DOCK3: variants seen among roughly 807,000 people sequenced by gnomAD.
DOCK3 encodes dedicator of cytokinesis protein 3.
In DOCK3, 60 loss-of-function variants were observed where a neutral mutation model predicts 265.6. That is an observed-to-expected ratio of 0.23 (90% CI 0.18 to 0.28). The LOEUF (loss-of-function observed/expected upper bound fraction) is 0.28. Ranked by LOEUF, DOCK3 falls within the 10% of genes least tolerant of loss-of-function variation. The pLI, the probability that DOCK3 is intolerant of heterozygous loss-of-function variation, is 1.00. For synonymous variants in DOCK3, 881 were observed against 938.0 expected, an observed-to-expected ratio of 0.94 and a Z score of 1.11; for missense variants, 1,981 against 2,594.3, an observed-to-expected ratio of 0.76 and a Z score of 5.14.
chr3:50,743,520 C>CA (rs951967855), intron 1 of DOCK3, among the ~76,000 whole-genome samples: 1 of 148,162 alleles, frequency 6.7e-6, no homozygotes, highest in East Asian at 2.0e-4. Flanking sequence ...AAATGGAAAA[C>CA]AAAAAAAGGC....
chr3:50,834,629 C>T (rs1387007457), intron 2 of DOCK3, among the ~76,000 whole-genome samples: 2 of 152,032 alleles, frequency 1.3e-5, no homozygotes, highest in Non-Finnish European at 2.9e-5. Flanking sequence ...GAAAGTCATA[C>T]TTTATAATTT....
Position 51,315,894 on chromosome 3 carries a change from A to G in DOCK3, c.3402+766A>G, listed in dbSNP as rs371273244. On this transcript the variant is annotated intron_variant, in intron 32 of 52. Coordinates refer to ENST00000266037, the MANE Select transcript of DOCK3 (RefSeq NM_004947.5). ...TTGGGAATTGTACCAGTTCCCCACT[A>G]AGCTCCTTCCGAGCCTGTGATTCTG... Among the ~76,000 whole-genome samples, 86 of 152,222 alleles carry G rather than the reference A, an allele frequency of 5.6e-4. 2 individuals carry two copies. The South Asian group carries it at 0.017, about 30-fold the overall frequency.
chr3:50,997,022 T>A (rs2078311086), intron 5 of DOCK3, among the ~76,000 whole-genome samples: 1 of 152,172 alleles, frequency 6.6e-6, no homozygotes, highest in Admixed American at 6.5e-5. Flanking sequence ...TAGAAATAGG[T>A]CCCTGGTATT....
intron 1 of DOCK3, among the ~76,000 whole-genome samples, chr3:50,759,296 C>T (rs1318918194): frequency 2.0e-5 from 3 of 151,528 alleles, no homozygotes; most frequent in Admixed American, 6.6e-5. Flanking sequence ...TACTGTTTTC[C>T]ACAGCGGCTG....
chr3:51,204,966 T>C (rs1315782185), intron 12 of DOCK3, among the ~76,000 whole-genome samples: 1 of 135,376 alleles, frequency 7.4e-6, no homozygotes, highest in Non-Finnish European at 1.5e-5. Context: ...AATTGAACAA[T>C]GGGAACACAT....
intron 14 of DOCK3, among the ~76,000 whole-genome samples, chr3:51,216,070 TTATGTGGTGGAG>T (rs1439859004): frequency 6.6e-6 from 1 of 152,070 alleles, no homozygotes; most frequent in African/African-American, 2.4e-5. Context: ...GTATCTAGGC[TTATGTGGTGGAG>T]TATATTCCAA....
At chr3:50,818,170 G>T (rs2106871131) in intron 2 of DOCK3, among the ~76,000 whole-genome samples, 1 of 152,326 alleles carries the variant, frequency 6.6e-6, no homozygotes, top group South Asian at 2.1e-4. Context: ...CACATGTTTA[G>T]CCCTACTTGC....
chr3:50,741,951 T>C (rs2039065518), intron 1 of DOCK3, among the ~76,000 whole-genome samples: 2 of 152,208 alleles, frequency 1.3e-5, no homozygotes. Flanking sequence ...TTCCTGACTT[T>C]TTAATGATTG....
chr3:50,837,683 T>C (rs2045588398), intron 2 of DOCK3, among the ~76,000 whole-genome samples: 1 of 152,142 alleles, frequency 6.6e-6, no homozygotes, highest in Non-Finnish European at 1.5e-5. Flanking sequence ...TGTGTATTTA[T>C]ATAGGATGAT....
chr3:51,256,365 G>A (rs2079546560), intron 22 of DOCK3, among the ~76,000 whole-genome samples: 1 of 152,104 alleles, frequency 6.6e-6, no homozygotes, highest in African/African-American at 2.4e-5. Flanking sequence ...CTGCCTCCTG[G>A]GTTTAAGTGA....
intron 28 of DOCK3, among the ~76,000 whole-genome samples, chr3:51,311,076 A>G (rs1205498987): frequency 6.6e-6 from 1 of 152,260 alleles, no homozygotes; most frequent in African/African-American, 2.4e-5. Context: ...GGATGATTGT[A>G]AACAAAGTTG....
At chr3:50,821,580 C>T (rs1041417968) in intron 2 of DOCK3, among the ~76,000 whole-genome samples, 1 of 152,106 alleles carries the variant, frequency 6.6e-6, no homozygotes, top group East Asian at 1.9e-4. Context: ...GATTACAGGC[C>T]TGAGCCACCG....
chr3:50,699,167 G>C (rs918208606), intron 1 of DOCK3, among the ~76,000 whole-genome samples: 1 of 152,150 alleles, frequency 6.6e-6, no homozygotes, highest in African/African-American at 2.4e-5. Context: ...TGTTGAAGAG[G>C]CTGTCCTTTT....
At position 51,382,781 on chromosome 3, in the gene DOCK3, C is replaced by A. The variant is rs1177427262; in HGVS notation, c.*1222C>A. 2 of 152,554 alleles carry A rather than the reference C, an allele frequency of 1.3e-5. No individual in the cohort carries two copies. The highest frequency in any genetic ancestry group is 2.4e-5 in the African/African-American group (1 of 41,550). The allele number at this position is 152,554 out of a possible 1,614,324, so 9.5% of individuals were successfully genotyped here. A position where few individuals can be genotyped will look rare whatever the true frequency, so the allele number is the denominator to read the frequency against. ...CTGGCAGGAGGGTAGTTTCTCCAGT[C>A]TCCCCAGTCTGTTGGTGTCTTTATA... On this transcript the variant is annotated 3_prime_UTR_variant, in exon 53 of 53. Coordinates refer to ENST00000266037, the MANE Select transcript of DOCK3 (RefSeq NM_004947.5).
At chr3:51,143,272 A>G (rs147132713) in intron 9 of DOCK3, among the ~76,000 whole-genome samples, 1 of 146,130 alleles carries the variant, frequency 6.8e-6, no homozygotes, top group African/African-American at 2.5e-5. Flanking sequence ...TTTTTTTTTT[A>G]TGTGTGTGTG....
chr3:51,228,911 A>G, intron 18 of DOCK3, 79 bp downstream of exon 18: 3 of 1,472,874 alleles, frequency 2.0e-6, no homozygotes, highest in Non-Finnish European at 2.7e-6. Flanking sequence ...ATGTGAAGGG[A>G]GAGATAAATT....
chr3:50,687,714 T>C (rs776451314), intron 1 of DOCK3, among the ~76,000 whole-genome samples: 1 of 152,256 alleles, frequency 6.6e-6, no homozygotes, highest in Non-Finnish European at 1.5e-5. Flanking sequence ...AAGTGACCTC[T>C]TTGACCTGAG....
At chr3:50,883,225 C>T (rs2048146548) in intron 3 of DOCK3, among the ~76,000 whole-genome samples, 1 of 151,872 alleles carries the variant, frequency 6.6e-6, no homozygotes, top group South Asian at 2.1e-4. Context: ...ATGTAACAAA[C>T]CTGCACGTTG....
At chr3:50,874,646 T>C (rs983888354) in intron 3 of DOCK3, among the ~76,000 whole-genome samples, 1 of 152,224 alleles carries the variant, frequency 6.6e-6, no homozygotes, top group Non-Finnish European at 1.5e-5. Context: ...GTAGTTTTTC[T>C]TGTAGAGATA....
Sources: allele counts gnomAD v4.1 joint callset (sites outside exome capture counted in the v4.1 genomes callset), GRCh38; gene constraint gnomAD v4.1.1; transcripts MANE v1.5; gene names NCBI Gene and HGNC (gene_info 2026-07-23, HGNC 2026-07-21).